Variants in SHISA9 observed in about 807,000 individuals in gnomAD.
The protein encoded by SHISA9 is shisa family member 9.
Under a neutral mutation model 38.0 loss-of-function variants are expected in SHISA9, and 13 were observed. That is an observed-to-expected ratio of 0.34 (90% CI 0.22 to 0.54). The LOEUF (loss-of-function observed/expected upper bound fraction) is 0.54. Ranked by LOEUF, SHISA9 falls within the 20% of genes least tolerant of loss-of-function variation. SHISA9 has a pLI of 0.91. For synonymous variants in SHISA9, 275 were observed against 242.0 expected, an observed-to-expected ratio of 1.14 and a Z score of -1.27; for missense variants, 538 against 575.8, an observed-to-expected ratio of 0.93 and a Z score of 0.67.
chr16:13,421,363 T>C, the SHISA9 span, among the ~76,000 whole-genome samples: 1 of 152,152 alleles, frequency 6.6e-6, no homozygotes, highest in African/African-American at 2.4e-5. Context: ...TGAGGAGTCC[T>C]CAGAATCATG....
At chr16:13,037,831 A>C (rs749888980) in intron 2 of SHISA9, among the ~76,000 whole-genome samples, 48 of 152,212 alleles carry the variant, frequency 3.2e-4, no homozygotes, top group Non-Finnish European at 6.5e-4. Context: ...TTCCTAATGT[A>C]AAGTTCTTTA....
the SHISA9 span, among the ~76,000 whole-genome samples, chr16:13,363,936 C>G: frequency 6.6e-6 from 1 of 152,198 alleles, no homozygotes; most frequent in South Asian, 2.1e-4. Context: ...CCTCCCAGAC[C>G]TGCTGGATCA....
intron 1 of SHISA9, among the ~76,000 whole-genome samples, chr16:12,905,924 T>G (rs2071086775): frequency 6.6e-6 from 1 of 152,194 alleles, no homozygotes; most frequent in Admixed American, 6.5e-5. Context: ...GTTGCTTGTT[T>G]CTCAACGTAT....
chr16:13,041,709 G>A (rs1010537927), intron 2 of SHISA9, among the ~76,000 whole-genome samples: 3 of 152,196 alleles, frequency 2.0e-5, no homozygotes, highest in African/African-American at 4.8e-5. Context: ...TGCCAGAGCC[G>A]TGCCTGGGCC....
chr16:13,344,950 G>A, the SHISA9 span, among the ~76,000 whole-genome samples: 1 of 152,210 alleles, frequency 6.6e-6, no homozygotes, highest in African/African-American at 2.4e-5. Context: ...AGAGAACACT[G>A]AGTCTCCAAG....
the SHISA9 span, among the ~76,000 whole-genome samples, chr16:13,412,474 C>T: frequency 1.3e-5 from 2 of 152,084 alleles, no homozygotes; most frequent in Admixed American, 6.5e-5. Flanking sequence ...CCTTCCCTCC[C>T]CTCCTTCTCT....
the SHISA9 span, among the ~76,000 whole-genome samples, chr16:13,386,619 C>T: frequency 9.9e-5 from 15 of 152,134 alleles, no homozygotes; most frequent in South Asian, 2.1e-4. Context: ...TTATTATACA[C>T]GTATCTTTGA....
chr16:13,079,148 G>A (rs2073618468), intron 2 of SHISA9, among the ~76,000 whole-genome samples: 1 of 152,162 alleles, frequency 6.6e-6, no homozygotes, highest in Non-Finnish European at 1.5e-5. Flanking sequence ...GAAATGCCGA[G>A]CACAGCCCTT....
intron 2 of SHISA9, among the ~76,000 whole-genome samples, chr16:13,141,258 G>C (rs1030266845): frequency 1.3e-5 from 2 of 152,054 alleles, no homozygotes; most frequent in Non-Finnish European, 2.9e-5. Context: ...ACAATGGAGA[G>C]ATTTAAACAA....
At chr16:13,489,070 G>A in the SHISA9 span, among the ~76,000 whole-genome samples, 1 of 152,118 alleles carries the variant, frequency 6.6e-6, no homozygotes, top group South Asian at 2.1e-4. Flanking sequence ...TTTTGAGACA[G>A]AGTTTCACTC....
intron 2 of SHISA9, among the ~76,000 whole-genome samples, chr16:13,170,936 C>T (rs1382636572): frequency 3.3e-5 from 5 of 151,920 alleles, no homozygotes; most frequent in East Asian, 1.9e-4. Flanking sequence ...GGATTACAGG[C>T]GTCAACCACC....
At chr16:13,244,211 CA>C (rs1015731054), downstream of SHISA9, among the ~76,000 whole-genome samples, 11 of 151,650 alleles carry the variant, frequency 7.3e-5, no homozygotes, top group Non-Finnish European at 1.3e-4. Context: ...CATAGAATTA[CA>C]AAAAAAACCC....
chr16:13,199,807 C>A (rs377554389), intron 2 of SHISA9, among the ~76,000 whole-genome samples: 1 of 152,160 alleles, frequency 6.6e-6, no homozygotes, highest in Admixed American at 6.5e-5. Context: ...TTGATTCAGG[C>A]TCCATGCTCG....
At chr16:13,012,116 G>T (rs944063408) in intron 2 of SHISA9, among the ~76,000 whole-genome samples, 1 of 152,040 alleles carries the variant, frequency 6.6e-6, no homozygotes, top group Non-Finnish European at 1.5e-5. Flanking sequence ...ATGAACCACT[G>T]TGCCCAGCCC....
At chr16:13,178,706 A>G (rs1051262128) in intron 2 of SHISA9, among the ~76,000 whole-genome samples, 2 of 152,192 alleles carry the variant, frequency 1.3e-5, no homozygotes, top group Non-Finnish European at 2.9e-5. Flanking sequence ...CCTTGGGTCT[A>G]CAAGGCCTTA....
At chr16:13,374,248 T>C in the SHISA9 span, among the ~76,000 whole-genome samples, 1 of 152,132 alleles carries the variant, frequency 6.6e-6, no homozygotes, top group East Asian at 1.9e-4. Context: ...ACATGTGCCA[T>C]GTTGGTGTGC....
At chr16:13,245,183 C>G (rs899015307), downstream of SHISA9, among the ~76,000 whole-genome samples, 3 of 152,176 alleles carry the variant, frequency 2.0e-5, no homozygotes, top group Non-Finnish European at 4.4e-5. Context: ...TCCCAAAGTG[C>G]TGGGATTACA....
At chr16:13,443,225 G>A in the SHISA9 span, among the ~76,000 whole-genome samples, 2 of 152,216 alleles carry the variant, frequency 1.3e-5, no homozygotes, top group African/African-American at 2.4e-5. Flanking sequence ...TTTTATTGAG[G>A]TTGATGGTTC....
At chr16:13,419,221 C>A in the SHISA9 span, among the ~76,000 whole-genome samples, 1 of 152,112 alleles carries the variant, frequency 6.6e-6, no homozygotes, top group African/African-American at 2.4e-5. Flanking sequence ...ACAGCTGTCA[C>A]CAGGGAGCCC....
Sources: gnomAD v4.1 joint callset for allele counts (sites outside exome capture counted in the v4.1 genomes callset) on GRCh38, gnomAD v4.1.1 for gene constraint, MANE v1.5 for transcripts, NCBI Gene and HGNC (gene_info 2026-07-23, HGNC 2026-07-21) for gene names.